Variants in ZNF536 observed in about 807,000 individuals in gnomAD.
ZNF536 encodes zinc finger protein 536.
ZNF536 carries 13 observed loss-of-function variants against 84.5 expected under a neutral mutation model. The observed-to-expected ratio is 0.15, with a 90% CI of 0.10 to 0.24. ZNF536 has a LOEUF of 0.24. Among genes scored for constraint, ZNF536 ranks in the 10% least tolerant of loss-of-function variants. ZNF536 has a pLI of 1.00. For synonymous variants in ZNF536, 811 were observed against 742.5 expected (o/e 1.09, Z -1.50); for missense variants, 1,536 against 1,747.5 (o/e 0.88, Z 2.16).
At chr19:30,620,327 G>A (rs530521749) in intron 1 of ZNF536, among the ~76,000 whole-genome samples, 13 of 141,596 alleles carry the variant, frequency 9.2e-5, no homozygotes, top group South Asian at 7.2e-4. Flanking sequence ...ACTGCTAAAC[G>A]TTCACTCAAA....
chr19:30,628,349 C>A (rs11667231), intron 1 of ZNF536, among the ~76,000 whole-genome samples: 8,761 of 152,190 alleles, frequency 0.058, 370 homozygotes, highest in Non-Finnish European at 0.082. Flanking sequence ...CTGTGCTTTC[C>A]AACAGACATA....
chr19:30,571,298 G>A (rs1436342725), intron 1 of ZNF536, among the ~76,000 whole-genome samples: 1 of 152,152 alleles, frequency 6.6e-6, no homozygotes, highest in Non-Finnish European at 1.5e-5. Flanking sequence ...TTTGAGGCTT[G>A]AGAGGGGCCA....
chr19:30,501,843 G>A (rs1379151666), intron 2 of ZNF536, among the ~76,000 whole-genome samples: 2 of 152,174 alleles, frequency 1.3e-5, no homozygotes, highest in African/African-American at 4.8e-5. Flanking sequence ...AGACCTTGGC[G>A]ATGACCTTGA....
At chr19:30,451,908 A>G (rs2052624775) in intron 2 of ZNF536, among the ~76,000 whole-genome samples, 1 of 152,228 alleles carries the variant, frequency 6.6e-6, no homozygotes, top group Non-Finnish European at 1.5e-5. Flanking sequence ...TAGATTAGCT[A>G]AGGACAGGTT....
chr19:30,611,989 G>A lies in ZNF536; in HGVS notation c.169+62475G>A, dbSNP rs112682340. Reference sequence around the variant, plus strand: ...TGCACGGATCTTTTGCTGTTTGGTCGTGGGCATTTTGGAATTCTCATGGCA... The same window carrying A: ...TGCACGGATCTTTTGCTGTTTGGTCATGGGCATTTTGGAATTCTCATGGCA... On this transcript the variant is annotated intron_variant, in intron 1 of 1. Coordinates refer to the ZNF536 transcript ENST00000592773. 7.0e-3 allele frequency among the ~76,000 whole-genome samples: 1,068 copies of A among 152,186 alleles called. 15 individuals carry two copies. Among genetic ancestry groups the A allele is most frequent in the African/African-American group, 0.024 (979 of 41,510 alleles).
intron 2 of ZNF536, among the ~76,000 whole-genome samples, chr19:30,285,906 T>C (rs1020807106): frequency 2.0e-5 from 3 of 152,252 alleles, no homozygotes; most frequent in Admixed American, 6.5e-5. Context: ...CTTGTTGGTC[T>C]AACCTATAGG....
chr19:30,473,608 A>C (rs1287090842), intron 2 of ZNF536, among the ~76,000 whole-genome samples: 1 of 152,168 alleles, frequency 6.6e-6, no homozygotes, highest in Admixed American at 6.5e-5. Context: ...ATCCTCACAC[A>C]TGCCTCCAGG....
intron 1 of ZNF536, among the ~76,000 whole-genome samples, chr19:30,570,785 T>C (rs189626591): frequency 6.6e-5 from 10 of 152,148 alleles, no homozygotes; most frequent in African/African-American, 2.4e-4. Context: ...TGGTGAAGTC[T>C]CCTCAAAAAA....
chr19:30,473,823 C>T (rs1477890647), intron 2 of ZNF536, among the ~76,000 whole-genome samples: 4 of 152,330 alleles, frequency 2.6e-5, no homozygotes, highest in Admixed American at 6.5e-5. Flanking sequence ...TCTGTTTTAG[C>T]TGTCTCTCCT....
chr19:30,620,561 C>T (rs1185022192), intron 1 of ZNF536, among the ~76,000 whole-genome samples: 1 of 152,132 alleles, frequency 6.6e-6, no homozygotes, highest in East Asian at 1.9e-4. Flanking sequence ...CACCCTCCCT[C>T]CTCTGAGACG....
chr19:30,444,869 G>A lies in ZNF536; in HGVS notation c.1307G>A (p.Ser436Asn). ...TCCAGGTACCTCTCCTGCCTGCAGAGTGGCTTCATGACCCCGGACAAAGCC... is the reference window on the plus strand; with the variant it reads ...TCCAGGTACCTCTCCTGCCTGCAGAATGGCTTCATGACCCCGGACAAAGCC... Reference protein sequence around the residue: ...LYSRYLSCLQSGFMTPDKAGL... With the variant: ...LYSRYLSCLQNGFMTPDKAGL... Residue 436 changes from serine to asparagine, a missense_variant, in exon 2 of 5, where the codon AGT becomes AAT. Physicochemically the swap from Ser to Asn is conservative, Grantham distance 46. Around this residue, in one of 8 missense-constraint regions of ZNF536, gnomAD observed 366 missense variants for 364.4 expected, o/e 1.00. Coordinates refer to ENST00000355537, the MANE Select transcript of ZNF536 (RefSeq NM_014717.3). The A allele has an allele frequency of 1.2e-6, 2 of 1,613,258 alleles. No homozygotes were observed. Among genetic ancestry groups the A allele is most frequent in the Non-Finnish European group, 1.7e-6 (2 of 1,179,816 alleles).
intron 2 of ZNF536, among the ~76,000 whole-genome samples, chr19:30,534,144 A>T (rs914605694): frequency 8.5e-5 from 13 of 152,260 alleles, no homozygotes; most frequent in Non-Finnish European, 1.8e-4. Context: ...TTCTCAAGTC[A>T]CTGCAAAAAG....
At chr19:30,301,098 C>T (rs759596140) in intron 2 of ZNF536, among the ~76,000 whole-genome samples, 2 of 152,288 alleles carry the variant, frequency 1.3e-5, no homozygotes, top group Admixed American at 6.5e-5. Flanking sequence ...ATCATCACAA[C>T]GGAAAGTCAG....
chr19:30,337,906 T>C (rs2047431257), intron 2 of ZNF536, among the ~76,000 whole-genome samples: 1 of 152,084 alleles, frequency 6.6e-6, no homozygotes, highest in South Asian at 2.1e-4. Context: ...GTGGTGATGA[T>C]GATGATGATG....
chr19:30,645,081 C>T (rs10421789), intron 1 of ZNF536, among the ~76,000 whole-genome samples: 67,003 of 152,062 alleles, frequency 0.44, 15,584 homozygotes, highest in Admixed American at 0.54. Context: ...GAGATGGTAT[C>T]TCATTGTGGT....
intron 2 of ZNF536, among the ~76,000 whole-genome samples, chr19:30,462,099 TTTG>T (rs2053164835): frequency 6.6e-6 from 1 of 152,026 alleles, no homozygotes; most frequent in Admixed American, 6.6e-5. Context: ...GGCTGAGAGT[TTTG>T]TTGTTGTGGG....
At chr19:30,604,448 AAT>A (rs1301315039) in intron 1 of ZNF536, among the ~76,000 whole-genome samples, 1 of 152,206 alleles carries the variant, frequency 6.6e-6, no homozygotes, top group Non-Finnish European at 1.5e-5. Context: ...TTATGTTTAT[AAT>A]ATGTTTTCAT....
chr19:30,354,495 C>A (rs150908365), intron 3 of ZNF536, among the ~76,000 whole-genome samples: 9 of 152,080 alleles, frequency 5.9e-5, no homozygotes, highest in Non-Finnish European at 1.2e-4. Context: ...GGCGTCCCAA[C>A]GTATTGGAAT....
intron 1 of ZNF536, among the ~76,000 whole-genome samples, chr19:30,387,171 G>C (rs746354741): frequency 6.6e-6 from 1 of 152,192 alleles, no homozygotes; most frequent in African/African-American, 2.4e-5. Context: ...ATGTCCCTTG[G>C]CTAGAACCTG....
Sources: gnomAD v4.1 joint callset for allele counts (sites outside exome capture counted in the v4.1 genomes callset) on GRCh38, gnomAD v4.1.1 for gene constraint, gnomAD v4.1.1 regional missense constraint, MANE v1.5 for transcripts, NCBI Gene and HGNC (gene_info 2026-07-23, HGNC 2026-07-21) for gene names.